Variants in KRABD5 observed in about 807,000 individuals in gnomAD.
KRABD5 encodes KRAB domain containing 5.
the KRABD5 span, among the ~76,000 whole-genome samples, chr16:31,730,056 T>C: frequency 6.6e-6 from 1 of 152,218 alleles, no homozygotes; most frequent in African/African-American, 2.4e-5. Flanking sequence ...AAGTGACTTA[T>C]GTACCACCAT....
the KRABD5 span, among the ~76,000 whole-genome samples, chr16:31,749,104 C>A: frequency 1.3e-5 from 2 of 152,214 alleles, no homozygotes; most frequent in African/African-American, 4.8e-5. Flanking sequence ...TCACCCCTCT[C>A]GCTAGGGGCT....
At chr16:31,717,071 A>T in the KRABD5 span, among the ~76,000 whole-genome samples, 2 of 131,786 alleles carry the variant, frequency 1.5e-5, no homozygotes, top group African/African-American at 5.9e-5. Context: ...TTCTTGGCTC[A>T]CTGCAACCTC....
the KRABD5 span, chr16:31,753,648 A>G: frequency 2.0e-6 from 2 of 1,006,390 alleles, no homozygotes; most frequent in Non-Finnish European, 2.7e-6. Flanking sequence ...AGGGGCCTCA[A>G]GTTTTTGATT....
chr16:31,714,899 C>G, the KRABD5 span, among the ~76,000 whole-genome samples: 7 of 152,168 alleles, frequency 4.6e-5, no homozygotes, highest in Non-Finnish European at 1.0e-4. Context: ...AATAAAACAT[C>G]TGGATATAGG....
the KRABD5 span, among the ~76,000 whole-genome samples, chr16:31,745,757 G>A: frequency 1.3e-5 from 2 of 152,014 alleles, no homozygotes; most frequent in African/African-American, 2.4e-5. Flanking sequence ...GGGAGTCTAC[G>A]TCTCTGTAAG....
chr16:31,758,265 G>C, the KRABD5 span: 1 of 152,110 alleles, frequency 6.6e-6, no homozygotes, highest in Non-Finnish European at 1.5e-5. Context: ...GATAGCTTTG[G>C]ATTATGGCCC....
At chr16:31,754,188 A>C in the KRABD5 span, 2 of 683,194 alleles carry the variant, frequency 2.9e-6, no homozygotes, top group African/African-American at 3.6e-5. Context: ...TGTTCAGTCA[A>C]ATATTTCTGA....
chr16:31,716,319 TC>T, the KRABD5 span, among the ~76,000 whole-genome samples: 1 of 152,184 alleles, frequency 6.6e-6, no homozygotes, highest in African/African-American at 2.4e-5. Flanking sequence ...AACCAGTCCT[TC>T]CACCAGTTCT....
At chr16:31,746,899 G>C in the KRABD5 span, among the ~76,000 whole-genome samples, 11 of 151,662 alleles carry the variant, frequency 7.3e-5, no homozygotes, top group Non-Finnish European at 2.9e-5. Context: ...TCTTCTGCCT[G>C]GTTCGTTTGG....
the KRABD5 span, among the ~76,000 whole-genome samples, chr16:31,740,944 T>G: frequency 6.6e-6 from 1 of 152,188 alleles, no homozygotes; most frequent in African/African-American, 2.4e-5. Context: ...GCATAGTGCC[T>G]AATAGATAGT....
the KRABD5 span, among the ~76,000 whole-genome samples, chr16:31,716,596 T>C: frequency 6.6e-6 from 1 of 152,174 alleles, no homozygotes; most frequent in East Asian, 1.9e-4. Flanking sequence ...CCCAGGCTCA[T>C]CACGAACTCC....
chr16:31,723,570 T>G, the KRABD5 span, among the ~76,000 whole-genome samples: 9 of 152,212 alleles, frequency 5.9e-5, no homozygotes, highest in African/African-American at 2.2e-4. Flanking sequence ...TGATCCACCA[T>G]CAAATTCACA....
At chr16:31,747,251 T>C in the KRABD5 span, among the ~76,000 whole-genome samples, 1 of 151,778 alleles carries the variant, frequency 6.6e-6, no homozygotes, top group East Asian at 2.0e-4. Context: ...TTTGGTTTTT[T>C]GTCCTTGCGA....
the KRABD5 span, among the ~76,000 whole-genome samples, chr16:31,747,029 G>A: frequency 6.6e-6 from 1 of 151,102 alleles, no homozygotes; most frequent in South Asian, 2.1e-4. Context: ...TAGGGTACAT[G>A]TGCACAATGT....
At chr16:31,753,816 G>A in the KRABD5 span, 4 of 1,546,422 alleles carry the variant, frequency 2.6e-6, no homozygotes, top group South Asian at 1.2e-5. Context: ...GCTTATAGAA[G>A]CATCATTCCA....
At chr16:31,723,170 A>G in the KRABD5 span, 7 of 1,380,952 alleles carry the variant, frequency 5.1e-6, no homozygotes, top group Non-Finnish European at 7.0e-6. Context: ...AGGATCCTCT[A>G]TAATGTTCCC....
the KRABD5 span, among the ~76,000 whole-genome samples, chr16:31,725,948 T>G: frequency 6.6e-6 from 1 of 152,222 alleles, no homozygotes; most frequent in Non-Finnish European, 1.5e-5. Context: ...TTTGTTTCCT[T>G]TGCTGTGCAG....
At chr16:31,732,096 C>T in the KRABD5 span, among the ~76,000 whole-genome samples, 4 of 152,184 alleles carry the variant, frequency 2.6e-5, no homozygotes, top group Non-Finnish European at 5.9e-5. Context: ...GCTAAATCTA[C>T]AGTCAGATAT....
At chr16:31,727,421 CT>C in the KRABD5 span, among the ~76,000 whole-genome samples, 3 of 152,354 alleles carry the variant, frequency 2.0e-5, no homozygotes, top group African/African-American at 7.2e-5. Flanking sequence ...TGTTGCAGCT[CT>C]ATGACTGCTC....
Sources: allele counts gnomAD v4.1 joint callset (sites outside exome capture counted in the v4.1 genomes callset), GRCh38; gene constraint gnomAD v4.1.1; transcripts MANE v1.5; gene names NCBI Gene and HGNC (gene_info 2026-07-23, HGNC 2026-07-21).